Variants in LMNTD1 observed in about 807,000 individuals in gnomAD.
LMNTD1 encodes lamin tail domain-containing protein 1.
A neutral mutation model predicts 50.9 loss-of-function variants in LMNTD1; 35 were observed. The observed-to-expected ratio is 0.69, with a 90% CI of 0.53 to 0.91. The LOEUF (loss-of-function observed/expected upper bound fraction) is 0.91. Ranked by LOEUF, LMNTD1 falls within the 40% of genes least tolerant of loss-of-function variation. The pLI, the probability that LMNTD1 is intolerant of heterozygous loss-of-function variation, is 0.00. For missense variants in LMNTD1, 470 were observed against 475.5 expected, an observed-to-expected ratio of 0.99 and a Z score of 0.11; for synonymous variants, 153 against 161.9, an observed-to-expected ratio of 0.94 and a Z score of 0.42.
chr12:25,639,510 G>A (rs1946906365), intron 1 of LMNTD1, among the ~76,000 whole-genome samples: 1 of 152,058 alleles, frequency 6.6e-6, no homozygotes. Context: ...AAGTTGAATA[G>A]ACATTTTTTC....
upstream of LMNTD1, chr12:25,553,388 C>G (rs1345318424): frequency 1.9e-6 from 1 of 526,986 alleles, no homozygotes; most frequent in Admixed American, 4.4e-5. Flanking sequence ...GCTGTACCTT[C>G]TTTGCAGTTT....
chr12:25,513,274 C>T (rs1399824763), intron 8 of LMNTD1, among the ~76,000 whole-genome samples: 1 of 152,126 alleles, frequency 6.6e-6, no homozygotes, highest in East Asian at 1.9e-4. Flanking sequence ...TGCAATAATG[C>T]AAGAACACGA....
intron 1 of LMNTD1, among the ~76,000 whole-genome samples, chr12:25,578,395 A>T (rs574653272): frequency 6.6e-6 from 1 of 152,308 alleles, no homozygotes; most frequent in Admixed American, 6.5e-5. Context: ...GCCAAAAGTA[A>T]ATTACTCAAC....
At chr12:25,537,424 C>G (rs927291935) in intron 4 of LMNTD1, among the ~76,000 whole-genome samples, 3 of 152,216 alleles carry the variant, frequency 2.0e-5, no homozygotes, top group African/African-American at 7.2e-5. Flanking sequence ...CCCTGACCCC[C>G]AAGCAGCCTA....
chr12:25,529,015 G>T (rs1233145611), intron 4 of LMNTD1, among the ~76,000 whole-genome samples: 2 of 152,132 alleles, frequency 1.3e-5, no homozygotes, highest in African/African-American at 4.8e-5. Flanking sequence ...ACCTGCCTCT[G>T]CTGGAGACCC....
intron 1 of LMNTD1, among the ~76,000 whole-genome samples, chr12:25,643,380 G>A (rs980988484): frequency 1.3e-5 from 2 of 152,090 alleles, no homozygotes; most frequent in African/African-American, 4.8e-5. Context: ...TAGAGAGGAG[G>A]CCAGTGTGCT....
intron 1 of LMNTD1, among the ~76,000 whole-genome samples, chr12:25,610,929 C>T (rs1252643250): frequency 1.3e-5 from 2 of 152,172 alleles, no homozygotes; most frequent in African/African-American, 2.4e-5. Flanking sequence ...TGGGAAGCCA[C>T]TTGTCTTCAA....
chr12:25,619,248 C>CTATATATATATA (rs1256778114), intron 1 of LMNTD1, among the ~76,000 whole-genome samples: 3 of 78,526 alleles, frequency 3.8e-5, no homozygotes, highest in Admixed American at 2.6e-4. Context: ...CTCTCTCTCT[C>CTATATATATATA]TCTCTATATA....
intron 1 of LMNTD1, among the ~76,000 whole-genome samples, chr12:25,608,611 T>C (rs1162076824): frequency 1.3e-5 from 2 of 152,362 alleles, no homozygotes; most frequent in Non-Finnish European, 2.9e-5. Context: ...TGGCTGGATA[T>C]GAAATTCTGG....
At chr12:25,539,527 G>A (rs1161268268) in intron 4 of LMNTD1, among the ~76,000 whole-genome samples, 1 of 151,708 alleles carries the variant, frequency 6.6e-6, no homozygotes. Context: ...TGAAACCAAC[G>A]AGAACAAAGA....
intron 1 of LMNTD1, among the ~76,000 whole-genome samples, chr12:25,569,606 T>G (rs1944702802): frequency 6.6e-6 from 1 of 152,194 alleles, no homozygotes; most frequent in African/African-American, 2.4e-5. Flanking sequence ...TGGGGCCTGG[T>G]AGAAGATGAC....
intron 9 of LMNTD1, among the ~76,000 whole-genome samples, chr12:25,476,745 T>A (rs1335765274): frequency 6.6e-6 from 1 of 152,216 alleles, no homozygotes; most frequent in African/African-American, 2.4e-5. Context: ...AGAGTTTTTT[T>A]AATGTGGATA....
intron 6 of LMNTD1, among the ~76,000 whole-genome samples, chr12:25,524,666 C>G (rs1389193354): frequency 1.3e-5 from 2 of 152,120 alleles, no homozygotes; most frequent in Non-Finnish European, 2.9e-5. Context: ...ATAAGAATGT[C>G]TTAATCCTAA....
chr12:25,537,551 T>C (rs1254556834), intron 4 of LMNTD1, among the ~76,000 whole-genome samples: 6 of 151,848 alleles, frequency 4.0e-5, no homozygotes, highest in Admixed American at 3.9e-4. Flanking sequence ...AGTAAGGACA[T>C]CCACACCAAA....
intron 1 of LMNTD1, among the ~76,000 whole-genome samples, chr12:25,646,430 T>G (rs1239481424): frequency 6.6e-6 from 1 of 152,166 alleles, no homozygotes; most frequent in East Asian, 1.9e-4. Flanking sequence ...GATCTCTCTT[T>G]CCAATGGTCT....
chr12:25,623,506 A>G (rs1208358633), intron 1 of LMNTD1, among the ~76,000 whole-genome samples: 1 of 139,794 alleles, frequency 7.2e-6, no homozygotes, highest in East Asian at 2.5e-4. Context: ...GTGAGCCAAG[A>G]TTGCGCCATT....
rs1369953439 is a variant in LMNTD1, at chr12:25,546,403, A to G, written c.462T>C (p.Ile154=). The G allele has an allele frequency of 3.1e-6, 5 of 1,589,984 alleles. No homozygotes were observed. The highest frequency in any genetic ancestry group is 4.3e-6 in the Non-Finnish European group (5 of 1,167,498). Reference sequence around the variant, plus strand: ...AGGTAAATTGGCCAACTTCTTCAAGAATCATAGAAAAGTATTTTAAAGTTT... The same window carrying G: ...AGGTAAATTGGCCAACTTCTTCAAGGATCATAGAAAAGTATTTTAAAGTTT... ...TQKTLKYFSM[I]LEEVGQFTSS... is the part of the protein sequence containing the mutation. The change falls in exon 4 of 10, where the codon ATT becomes ATC. Residue 154 remains isoleucine, a synonymous_variant. Transcript: ENST00000458174.
At chr12:25,640,923 T>A (rs1946949106) in intron 1 of LMNTD1, among the ~76,000 whole-genome samples, 1 of 152,196 alleles carries the variant, frequency 6.6e-6, no homozygotes, top group African/African-American at 2.4e-5. Context: ...TGCCTCGGCC[T>A]CCCAAAGTGT....
At chr12:25,547,109 G>T in intron 3 of LMNTD1, 1 of 342,596 alleles carries the variant, frequency 2.9e-6, no homozygotes, top group Non-Finnish European at 4.1e-6. Context: ...CCTATTAGAA[G>T]TTTGCTCTTT....
Sources: allele counts gnomAD v4.1 joint callset (sites outside exome capture counted in the v4.1 genomes callset), GRCh38; gene constraint gnomAD v4.1.1; transcripts MANE v1.5; gene names NCBI Gene and HGNC (gene_info 2026-07-23, HGNC 2026-07-21).